The following PHACTR1 variants were observed in gnomAD, a reference collection of about 807,000 sequenced individuals.
PHACTR1 encodes RPEL repeat containing 1.
In PHACTR1, 16 loss-of-function variants were observed where a neutral mutation model predicts 69.2. That is an observed-to-expected ratio of 0.23 (90% CI 0.16 to 0.35). PHACTR1 has a LOEUF of 0.35. Among genes scored for constraint, PHACTR1 ranks in the 10% least tolerant of loss-of-function variants. The pLI, the probability that PHACTR1 is intolerant of heterozygous loss-of-function variation, is 1.00. For synonymous variants in PHACTR1, 312 were observed against 284.5 expected (o/e 1.10, Z -0.97); for missense variants, 510 against 734.7 (o/e 0.69, Z 3.54).
chr6:13,026,548 G>A (rs1157837145), intron 4 of PHACTR1, among the ~76,000 whole-genome samples: 1 of 152,084 alleles, frequency 6.6e-6, no homozygotes. Context: ...CATAGTGCTG[G>A]CTTGTAGAGA....
At chr6:13,124,212 G>A (rs2127951681) in intron 5 of PHACTR1, among the ~76,000 whole-genome samples, 1 of 152,298 alleles carries the variant, frequency 6.6e-6, no homozygotes, top group Middle Eastern at 3.4e-3. Flanking sequence ...ACCTCTTGTT[G>A]ATGCTAGGAG....
At chr6:13,017,623 C>T (rs1800380180) in intron 4 of PHACTR1, among the ~76,000 whole-genome samples, 1 of 152,188 alleles carries the variant, frequency 6.6e-6, no homozygotes, top group East Asian at 1.9e-4. Flanking sequence ...AGTTAAAAAT[C>T]AAATTTAGAG....
At chr6:13,282,324 T>C (rs1255101620) in intron 12 of PHACTR1, among the ~76,000 whole-genome samples, 3 of 152,206 alleles carry the variant, frequency 2.0e-5, no homozygotes, top group Non-Finnish European at 2.9e-5. Flanking sequence ...ATAAACCTGG[T>C]GACAGGAAGA....
chr6:13,215,745 A>G (rs1399994507), intron 8 of PHACTR1, among the ~76,000 whole-genome samples: 1 of 152,236 alleles, frequency 6.6e-6, no homozygotes. Flanking sequence ...CTCTAACTGC[A>G]GATTAGATAT....
At chr6:13,163,542 A>G (rs1247377276) in intron 6 of PHACTR1, among the ~76,000 whole-genome samples, 1 of 152,366 alleles carries the variant, frequency 6.6e-6, no homozygotes, top group East Asian at 1.9e-4. Flanking sequence ...GAGGAGAAGA[A>G]GAGACAGGCT....
chr6:12,787,106 A>C (rs1771635901), intron 4 of PHACTR1, among the ~76,000 whole-genome samples: 1 of 152,220 alleles, frequency 6.6e-6, no homozygotes, highest in African/African-American at 2.4e-5. Flanking sequence ...AGTTCTTATA[A>C]AATATTAGAA....
At chr6:12,769,542 T>G (rs1433198675) in intron 4 of PHACTR1, among the ~76,000 whole-genome samples, 1 of 152,210 alleles carries the variant, frequency 6.6e-6, no homozygotes, top group African/African-American at 2.4e-5. Flanking sequence ...TTACTTCTTC[T>G]GGGATAAACT....
At chr6:13,201,866 G>A (rs778859063) in intron 7 of PHACTR1, among the ~76,000 whole-genome samples, 10 of 152,232 alleles carry the variant, frequency 6.6e-5, no homozygotes, top group Non-Finnish European at 1.0e-4. Flanking sequence ...TTTAGGGAAA[G>A]ATAGAGACTG....
intron 5 of PHACTR1, among the ~76,000 whole-genome samples, chr6:13,083,945 C>T (rs1020233505): frequency 6.6e-6 from 1 of 152,094 alleles, no homozygotes. Flanking sequence ...GTTCCCTTCT[C>T]CTGCCTGATT....
intron 11 of PHACTR1, chr6:13,274,601 T>C (rs1430479656): frequency 1.3e-5 from 2 of 152,116 alleles, no homozygotes; most frequent in Admixed American, 6.5e-5. Flanking sequence ...TTTCAGAAAA[T>C]AGTGCTTATC....
At chr6:12,736,294 T>A (rs937086580) in intron 3 of PHACTR1, among the ~76,000 whole-genome samples, 1 of 152,206 alleles carries the variant, frequency 6.6e-6, no homozygotes, top group Non-Finnish European at 1.5e-5. Context: ...TGATTTTCAA[T>A]ATTGCCACTA....
At chr6:13,278,066 G>A in intron 11 of PHACTR1, 1 of 467,720 alleles carries the variant, frequency 2.1e-6, no homozygotes, top group Non-Finnish European at 3.9e-6. Flanking sequence ...AGGTCAGCCT[G>A]CTCAGTAGCA....
At chr6:13,189,638 G>T (rs1763248334) in intron 7 of PHACTR1, among the ~76,000 whole-genome samples, 1 of 152,084 alleles carries the variant, frequency 6.6e-6, no homozygotes, top group Non-Finnish European at 1.5e-5. Flanking sequence ...GAGCTCAAGT[G>T]ATCCACCCAT....
intron 12 of PHACTR1, among the ~76,000 whole-genome samples, chr6:13,281,844 G>T (rs1186763152): frequency 6.6e-6 from 1 of 152,234 alleles, no homozygotes; most frequent in Non-Finnish European, 1.5e-5. Flanking sequence ...GCCCACACTG[G>T]TGCCAGAATG....
At chr6:12,757,135 G>A (rs1453631317) in intron 4 of PHACTR1, among the ~76,000 whole-genome samples, 1 of 152,164 alleles carries the variant, frequency 6.6e-6, no homozygotes, top group Non-Finnish European at 1.5e-5. Flanking sequence ...GAAGAGGAGA[G>A]GATTTCAAGA....
intron 4 of PHACTR1, among the ~76,000 whole-genome samples, chr6:12,782,144 A>G (rs1770910656): frequency 6.6e-6 from 1 of 152,160 alleles, no homozygotes; most frequent in Non-Finnish European, 1.5e-5. Context: ...TCCATCAGGG[A>G]TAAGCTTTAA....
At chr6:12,856,683 C>A (rs1780405386) in intron 4 of PHACTR1, among the ~76,000 whole-genome samples, 1 of 152,208 alleles carries the variant, frequency 6.6e-6, no homozygotes, top group African/African-American at 2.4e-5. Flanking sequence ...TTTACTATAA[C>A]CATCACCAGC....
intron 4 of PHACTR1, among the ~76,000 whole-genome samples, chr6:12,995,584 G>A (rs990045726): frequency 5.3e-5 from 8 of 151,736 alleles, no homozygotes; most frequent in Admixed American, 1.3e-4. Context: ...ACTTAATTAC[G>A]TATCCATTAA....
chr6:12,730,402 T>C (rs756970022), intron 3 of PHACTR1, among the ~76,000 whole-genome samples: 1 of 152,126 alleles, frequency 6.6e-6, no homozygotes, highest in Non-Finnish European at 1.5e-5. Flanking sequence ...TATTGCAAAT[T>C]CTGGCTTGTA....
Sources: allele counts gnomAD v4.1 joint callset (sites outside exome capture counted in the v4.1 genomes callset), GRCh38; gene constraint gnomAD v4.1.1; transcripts MANE v1.5; gene names NCBI Gene and HGNC (gene_info 2026-07-23, HGNC 2026-07-21).